DROSHA: variants seen among roughly 807,000 people sequenced by gnomAD.
The protein encoded by DROSHA is drosha ribonuclease III.
In DROSHA, 56 loss-of-function variants were observed where a neutral mutation model predicts 181.9. That is an observed-to-expected ratio of 0.31 (90% CI 0.25 to 0.38). The LOEUF (loss-of-function observed/expected upper bound fraction) is 0.38, where lower values mean the gene tolerates loss of function less well. Ranked by LOEUF, DROSHA falls within the 10% of genes least tolerant of loss-of-function variation. DROSHA has a pLI of 1.00. For missense variants in DROSHA, 1,218 were observed against 1,743.5 expected (o/e 0.70, Z 5.37); for synonymous variants, 524 against 591.2 (o/e 0.89, Z 1.65).
At chr5:31,504,414 G>T in intron 11 of DROSHA, 141 bp downstream of exon 11, 1 of 936,898 alleles carries the variant, frequency 1.1e-6, no homozygotes, top group Non-Finnish European at 1.6e-6. Flanking sequence ...GCTTTCCTCT[G>T]CAATTATCAG....
At chr5:31,441,123 A>T (rs889817974) in intron 23 of DROSHA, among the ~76,000 whole-genome samples, 4 of 151,676 alleles carry the variant, frequency 2.6e-5, no homozygotes, top group Non-Finnish European at 5.9e-5. Context: ...TTTAGTTTAA[A>T]AAAAAAAAAA....
intron 13 of DROSHA, 160 bp from the exon 14 acceptor site, chr5:31,486,722 C>T: frequency 1.7e-6 from 1 of 575,868 alleles, no homozygotes; most frequent in Non-Finnish European, 3.0e-6. Flanking sequence ...ACCACAACTG[C>T]TGGATTTTAA....
In DROSHA at chr5:31,449,308, C is replaced by T. The variant is rs1478853589; in HGVS notation, c.2794G>A (p.Val932Ile). ...TTCTTCCGCATGTGCATGTGATGAA[C>T]TTTTCTGTCTCCGTATTTGGGCTGC... The part of the protein sequence containing the change: ...IRQPKYGDRK[V>I]HHMHMRKKGI... The change falls in exon 22 of 36, where the codon GTT becomes ATT. Residue 932 changes from valine (V) to isoleucine (I), a missense_variant. Physicochemically the swap from Val to Ile is conservative, Grantham distance 29. This residue lies in a region of DROSHA where 460 missense variants were observed against 774.2 expected (regional missense o/e 0.59). Transcript: ENST00000344624. The T allele has an allele frequency of 6.2e-7, 1 of 1,613,848 alleles. No homozygotes were observed. Among genetic ancestry groups the T allele is most frequent in the South Asian group, 1.1e-5 (1 of 91,024 alleles).
chr5:31,445,675 AAAATG>A (rs55871837), intron 23 of DROSHA, among the ~76,000 whole-genome samples: 90,490 of 151,478 alleles, frequency 0.6, 29,180 homozygotes, highest in Non-Finnish European at 0.72. Flanking sequence ...ATAAAAGAAT[AAAATG>A]ACATGATTAT....
chr5:31,511,431 G>A (rs957329301), intron 8 of DROSHA, among the ~76,000 whole-genome samples: 4 of 152,144 alleles, frequency 2.6e-5, no homozygotes, highest in South Asian at 2.1e-4. Flanking sequence ...CAGGCCAGGC[G>A]TGCTGGCTCA....
intron 27 of DROSHA, among the ~76,000 whole-genome samples, chr5:31,429,103 C>T (rs1743824268): frequency 6.6e-6 from 1 of 152,060 alleles, no homozygotes; most frequent in Non-Finnish European, 1.5e-5. Context: ...CACAGAAAAG[C>T]CAAAAGGCTA....
intron 13 of DROSHA, among the ~76,000 whole-genome samples, chr5:31,488,074 T>C (rs553805711): frequency 2.0e-5 from 3 of 151,950 alleles, no homozygotes; most frequent in African/African-American, 7.2e-5. Context: ...ACAAAAAAAG[T>C]ATAAAGTATA....
At chr5:31,449,905 T>C (rs1009971184) in intron 21 of DROSHA, among the ~76,000 whole-genome samples, 8 of 152,024 alleles carry the variant, frequency 5.3e-5, no homozygotes, top group African/African-American at 1.5e-4. Flanking sequence ...TTGCATACTA[T>C]ATATCCAACA....
chr5:31,495,903 G>C (rs1752924424), intron 11 of DROSHA, among the ~76,000 whole-genome samples: 1 of 152,198 alleles, frequency 6.6e-6, no homozygotes. Flanking sequence ...AGCTGGACAG[G>C]GTCTTGTCCT....
At chr5:31,497,481 C>T (rs1753126558) in intron 11 of DROSHA, among the ~76,000 whole-genome samples, 1 of 152,228 alleles carries the variant, frequency 6.6e-6, no homozygotes, top group African/African-American at 2.4e-5. Flanking sequence ...CCTGTCCCCC[C>T]TTACTATGGG....
rs1737807600 is a variant in DROSHA, at chr5:31,505,439, AGG to A, written c.1588-806_1588-805del. Among the ~76,000 whole-genome samples, 6 of 152,214 alleles carry A rather than the reference AGG, an allele frequency of 3.9e-5. No homozygotes were observed. The South Asian group carries it at 1.2e-3, about 31-fold the overall frequency. On this transcript the variant is annotated intron_variant, in intron 10 of 35. Coordinates refer to ENST00000344624, the MANE Select transcript of DROSHA (RefSeq NM_001382508.1). ...AAGAGGCACCAGCATGCATGAGAAA[AGG>A]AGAGAAGGCAGAAGGTCCACATCAT...
At chr5:31,405,299 G>A (rs764985474) in intron 35 of DROSHA, among the ~76,000 whole-genome samples, 14 of 151,784 alleles carry the variant, frequency 9.2e-5, no homozygotes, top group African/African-American at 2.7e-4. Context: ...CACCTGGACC[G>A]GGGAGGCAGA....
At chr5:31,403,868 C>T (rs1438960633) in intron 35 of DROSHA, among the ~76,000 whole-genome samples, 1 of 152,152 alleles carries the variant, frequency 6.6e-6, no homozygotes, top group Admixed American at 6.5e-5. Context: ...TTTTCCTACT[C>T]TAAAACACAT....
chr5:31,531,661 A>T (rs1332913363), intron 1 of DROSHA, 136 bp from the exon 2 acceptor site: 1 of 152,226 alleles, frequency 6.6e-6, no homozygotes, highest in Non-Finnish European at 1.5e-5. Context: ...CCATAACTGC[A>T]CATTTACTGT....
intron 16 of DROSHA, among the ~76,000 whole-genome samples, chr5:31,477,263 G>C (rs1458880410): frequency 6.6e-6 from 1 of 152,132 alleles, no homozygotes; most frequent in African/African-American, 2.4e-5. Context: ...TAATTTGTTA[G>C]AGAATCTGTA....
chr5:31,423,497 T>C (rs895263247), intron 28 of DROSHA, among the ~76,000 whole-genome samples: 16 of 152,230 alleles, frequency 1.1e-4, no homozygotes, highest in Non-Finnish European at 2.1e-4. Flanking sequence ...ATTTTGGCAA[T>C]GAGCATCATT....
intron 35 of DROSHA, among the ~76,000 whole-genome samples, chr5:31,402,642 AATAG>A (rs914770553): frequency 2.6e-5 from 4 of 152,166 alleles, no homozygotes; most frequent in Non-Finnish European, 4.4e-5. Context: ...ATGACCATAT[AATAG>A]ATCCTAAATT....
At chr5:31,458,281 C>T (rs1747902064) in intron 20 of DROSHA, among the ~76,000 whole-genome samples, 1 of 152,138 alleles carries the variant, frequency 6.6e-6, no homozygotes, top group Non-Finnish European at 1.5e-5. Flanking sequence ...ATCTGTACTC[C>T]CAAACAAACA....
rs545001190 is a variant in DROSHA, at chr5:31,424,299, C to T, written c.3261+128G>A. The T allele has an allele frequency of 4.2e-6, 5 of 1,203,720 alleles. No individual in the cohort carries two copies. The African/African-American group carries it at 6.2e-5, about 15-fold the overall frequency. The allele number at this position is 1,203,720 out of a possible 1,614,324, so 74.6% of individuals were successfully genotyped here. ...CCAAAGTTTTCCAGGTCTGACACCT[C>T]AGCTTAAAGGCACAATGCCACCGAA... is the stretch of plus-strand genomic sequence containing the variant. On this transcript the variant is annotated intron_variant, in intron 28 of 35. Coordinates refer to ENST00000344624, the MANE Select transcript of DROSHA (RefSeq NM_001382508.1).
Sources: gnomAD v4.1 joint callset for allele counts (sites outside exome capture counted in the v4.1 genomes callset) on GRCh38, gnomAD v4.1.1 for gene constraint, gnomAD v4.1.1 regional missense constraint, MANE v1.5 for transcripts, NCBI Gene and HGNC (gene_info 2026-07-23, HGNC 2026-07-21) for gene names.